Variants in GPRIN1 observed in about 807,000 individuals in gnomAD.
GPRIN1 encodes the protein G protein-regulated inducer of neurite outgrowth 1.
GPRIN1 carries 4 observed loss-of-function variants against 2.8 expected under a neutral mutation model. The observed-to-expected ratio is 1.45, with a 90% CI of 0.71 to 3.32. GPRIN1 has a LOEUF of 3.32. Ranked by LOEUF, GPRIN1 falls within the 30% of genes most tolerant of loss-of-function variation. The pLI is 0.01. For synonymous variants in GPRIN1, 589 were observed against 589.9 expected, an observed-to-expected ratio of 1.00 and a Z score of 0.02; for missense variants, 1,322 against 1,343.4, an observed-to-expected ratio of 0.98 and a Z score of 0.25.
In GPRIN1 at chr5:176,599,158, T is replaced by A. The variant is rs1339128429; in HGVS notation, c.677A>T (p.Tyr226Phe). The A allele has an allele frequency of 3.7e-6, 6 of 1,613,736 alleles. No individual in the cohort carries two copies. The highest frequency in any genetic ancestry group is 8.5e-7 in the Non-Finnish European group (1 of 1,179,890). The change falls in exon 2 of 2, where the codon TAT becomes TTT. Residue 226 changes from tyrosine to phenylalanine, a missense_variant. Around this residue, in one of 3 missense-constraint regions of GPRIN1, gnomAD observed 1,117 missense variants for 1,128.6 expected, o/e 0.99. Transcript: ENST00000303991. The part of the protein sequence containing the change: ...KVDPLCSSKT[Y>F]TVSPRKEDPG... ...ATCCTCCTTCCTCGGTGACACTGTA[T>A]ACGTCTTGCTGGAGCACAAAGGATC... is the stretch of plus-strand genomic sequence containing the variant.
rs920331200 is a variant in GPRIN1 at position 176,597,931 on chromosome 5, C to G, written c.1904G>C (p.Gly635Ala). Residue 635 changes from glycine to alanine, a missense_variant, in exon 2 of 2, where the codon GGT becomes GCT. Gly to Ala is a moderately conservative substitution (Grantham distance 60). This residue lies in a region of GPRIN1 where 1,117 missense variants were observed against 1,128.6 expected (regional missense o/e 0.99). Transcript: ENST00000303991. This position sits in a 1 kb window ranked among gnomAD's most constrained non-coding sequence, Gnocchi z 6.1. The stretch of plus-strand genomic sequence containing the variant: ...AGGGAGCTTTGTTTCTGCTTTGCCA[C>G]CAGACTGCGGCTGTGCTTTCCCCGA... ...RASGKAQPQS[G>A]GKAETKLPGQ... is the part of the protein sequence containing the mutation. 1 of 1,613,990 alleles carries G rather than the reference C, an allele frequency of 6.2e-7. No individual in the cohort carries two copies. Among genetic ancestry groups the G allele is most frequent in the Non-Finnish European group, 8.5e-7 (1 of 1,180,030 alleles).
At chr5:176,600,651 C>T (rs773901824) in intron 1 of GPRIN1, among the ~76,000 whole-genome samples, 14 of 152,140 alleles carry the variant, frequency 9.2e-5, no homozygotes, top group Non-Finnish European at 1.5e-4. Flanking sequence ...CGGCGGCTCA[C>T]GCCTGTAATC....
intron 1 of GPRIN1, among the ~76,000 whole-genome samples, chr5:176,606,643 C>G: frequency 6.6e-6 from 1 of 152,330 alleles, no homozygotes; most frequent in East Asian, 1.9e-4. Context: ...CTGAGGCTGA[C>G]TGTCTGCTGC....
At position 176,599,342 on chromosome 5, in the gene GPRIN1, A is replaced by C. The variant is rs1185028670; in HGVS notation, c.493T>G (p.Ser165Ala). Residue 165 changes from serine (S) to alanine (A), a missense_variant, in exon 2 of 2, where the codon TCC becomes GCC. This residue lies in a region of GPRIN1 where 1,117 missense variants were observed against 1,128.6 expected (regional missense o/e 0.99). Transcript: ENST00000303991. ...FKSSKQADST[S>A]IGKEDPGSSR... ...GACCCAGGATCCTCCTTTCCTATGG[A>C]AGTGGAATCGGCCTGCTTTGAGGAC... 2 of 1,614,224 alleles carry C rather than the reference A, an allele frequency of 1.2e-6. No individual in the cohort carries two copies.
intron 1 of GPRIN1, among the ~76,000 whole-genome samples, chr5:176,608,833 C>T (rs1759265057): frequency 6.6e-6 from 1 of 152,204 alleles, no homozygotes; most frequent in Admixed American, 6.5e-5. Context: ...CCAGAACTGC[C>T]AAGCACCTGC....
At chr5:176,601,342 C>G (rs1245301325) in intron 1 of GPRIN1, among the ~76,000 whole-genome samples, 1 of 152,180 alleles carries the variant, frequency 6.6e-6, no homozygotes, top group Non-Finnish European at 1.5e-5. Context: ...ATTCATTCAC[C>G]TAGCCCCTTC....
At position 176,598,359 on chromosome 5, in the gene GPRIN1, TGAA is replaced by T; in HGVS notation, c.1473_1475del (p.Ser492del). 6.2e-7 allele frequency: 1 copy of T among 1,613,852 alleles called. No individual in the cohort carries two copies. Among genetic ancestry groups the T allele is most frequent in the South Asian group, 1.1e-5 (1 of 91,074 alleles). ...CCAAGGACCTGGGATCGCCTGGACCTGAAGACACAGGGTTTGTCTTTCCTGAAG... is the reference window on the plus strand; with the variant it reads ...CCAAGGACCTGGGATCGCCTGGACCTGACACAGGGTTTGTCTTTCCTGAAG... On this transcript the variant is annotated inframe_deletion, in exon 2 of 2. Coordinates refer to ENST00000303991, the MANE Select transcript of GPRIN1 (RefSeq NM_052899.3).
At position 176,598,121 on chromosome 5, in the gene GPRIN1, T is replaced by C; in HGVS notation, c.1714A>G (p.Ile572Val). ...CCTGGAGTTGAGACCACTTTACCTATAGACACAGAGTCCCCTTGTCCAGAG... is the reference window on the plus strand; with the variant it reads ...CCTGGAGTTGAGACCACTTTACCTACAGACACAGAGTCCCCTTGTCCAGAG... ...GPSGQGDSVSIGKVVSTPGKT... is the reference protein window; with the variant it reads ...GPSGQGDSVSVGKVVSTPGKT... The change falls in exon 2 of 2, where the codon ATA becomes GTA. Residue 572 changes from isoleucine (I) to valine (V), a missense_variant. Coordinates refer to ENST00000303991, the MANE Select transcript of GPRIN1 (RefSeq NM_052899.3). 1.2e-6 allele frequency: 2 copies of C among 1,613,102 alleles called. No homozygotes were observed. The highest frequency in any genetic ancestry group is 1.1e-5 in the South Asian group (1 of 91,078).
chr5:176,600,877 C>T (rs6885755), intron 1 of GPRIN1, among the ~76,000 whole-genome samples: 135,650 of 152,058 alleles, frequency 0.89, 60,899 homozygotes, highest in Non-Finnish European at 0.95. Flanking sequence ...GATCGTGCCA[C>T]TGCACTCCAG....
rs1287381959 is a variant in GPRIN1 at position 176,598,714 on chromosome 5, A to G, written c.1121T>C (p.Leu374Pro). ...VPATKEDSRF[L>P]GKMDPASSGE... ...TGAGGAGGCAGGGTCCATCTTTCCC[A>G]GGAACCGGGAGTCCTCTTTTGTGGC... The change falls in exon 2 of 2, where the codon CTG becomes CCG. Residue 374 changes from leucine to proline, a missense_variant. Leu to Pro is a moderately conservative substitution (Grantham distance 98, BLOSUM62 -3). Transcript: ENST00000303991. The G allele has an allele frequency of 1.1e-5, 17 of 1,614,042 alleles. No individual in the cohort carries two copies. The highest frequency in any genetic ancestry group is 1.4e-5 in the Non-Finnish European group (16 of 1,180,018).
At chr5:176,605,799 G>T (rs73330402) in intron 1 of GPRIN1, among the ~76,000 whole-genome samples, 141 of 152,182 alleles carry the variant, frequency 9.3e-4, no homozygotes, top group African/African-American at 3.3e-3. Context: ...AACAGAACAA[G>T]AAACTGTCTT....
At position 176,598,985 on chromosome 5, in the gene GPRIN1, C is replaced by T. The variant is rs139611546; in HGVS notation, c.850G>A (p.Val284Ile). 6.2e-7 allele frequency: 1 copy of T among 1,614,168 alleles called. No homozygotes were observed. Among genetic ancestry groups the T allele is most frequent in the Admixed American group, 1.7e-5 (1 of 60,020 alleles). ...CCAGGATCTCTCTTTCCCGACAATA[C>T]AAGATCTACCTTTTCTGCAGATGTA... ...APTSAEKVDL[V>I]LSGKRDPGPS... The change falls in exon 2 of 2, where the codon GTA (valine) becomes ATA (isoleucine). Residue 284 changes from valine to isoleucine, a missense_variant. Physicochemically the swap from Val to Ile is conservative, Grantham distance 29 (BLOSUM62 3). Transcript: ENST00000303991.
In GPRIN1 at chr5:176,595,824, A is replaced by G; in HGVS notation, c.*984T>C. 1.3e-6 allele frequency: 1 copy of G among 745,516 alleles called. No individual in the cohort carries two copies. The highest frequency in any genetic ancestry group is 1.8e-5 in the African/African-American group (1 of 55,230). 46.2% of individuals were successfully genotyped at this position (745,516 alleles called of 1,614,324 possible). ...GGGTTGGGGAAATATTTTATTACCA[A>G]TGTATACTGTGACAGTTTGTAGCCA... On this transcript the variant is annotated 3_prime_UTR_variant, in exon 2 of 2. Transcript: ENST00000303991.
chr5:176,604,364 T>C lies in GPRIN1; in HGVS notation c.-43-4487A>G, dbSNP rs76524889. Among the ~76,000 whole-genome samples, 503 of 152,232 alleles carry C rather than the reference T, an allele frequency of 3.3e-3. 20 individuals are homozygous for C. In the East Asian group the frequency reaches 0.08, roughly 24 times the overall value. On this transcript the variant is annotated intron_variant, in intron 1 of 1. Coordinates refer to ENST00000303991, the MANE Select transcript of GPRIN1 (RefSeq NM_052899.3). ...CATGGTGGAGGAGGGGGGTTTAGCC[T>C]AAGGGCACTGGAAACCCTGGAAGTA...
At position 176,598,228 on chromosome 5, in the gene GPRIN1, G is replaced by A. The variant is rs747964112; in HGVS notation, c.1607C>T (p.Ala536Val). 2 of 1,612,438 alleles carry A rather than the reference G, an allele frequency of 1.2e-6. No individual in the cohort carries two copies. Among genetic ancestry groups the A allele is most frequent in the Admixed American group, 3.3e-5 (2 of 60,008 alleles). The stretch of plus-strand genomic sequence containing the variant: ...CTCGGCCTTCCCTGAGGCTGTGGGA[G>A]CCGCCTTTCCAGAGGCCACCAGACC... ...KAGLVASGKA[A>V]PTASGKAEPL... Residue 536 changes from alanine to valine, a missense_variant, in exon 2 of 2, where the codon GCT (alanine) becomes GTT (valine). By Grantham distance (64) the Ala-to-Val change is moderately conservative (BLOSUM62 0). This residue lies in a region of GPRIN1 where 1,117 missense variants were observed against 1,128.6 expected (regional missense o/e 0.99). Transcript: ENST00000303991.
rs2113351339 is a variant in GPRIN1, at chr5:176,602,660, G to A, written c.-43-2783C>T. 6.6e-6 allele frequency among the ~76,000 whole-genome samples: 1 copy of A among 152,284 alleles called. No homozygotes were observed. Among genetic ancestry groups the A allele is most frequent in the Middle Eastern group, 3.4e-3 (1 of 294 alleles). On this transcript the variant is annotated intron_variant, in intron 1 of 1. Coordinates refer to ENST00000303991, the MANE Select transcript of GPRIN1 (RefSeq NM_052899.3). This position sits in a 1 kb window ranked among gnomAD's most constrained non-coding sequence, Gnocchi z 4.4. ...ACGCGCATAGCATTTGAGCCACCAA[G>A]CCCACCTCTAAGCATGGTCCTAAAG...
rs1759022187 is a variant in GPRIN1, at chr5:176,595,886, G to A, written c.*922C>T. On this transcript the variant is annotated 3_prime_UTR_variant, in exon 2 of 2. Transcript: ENST00000303991. ...TGGAGGGGTGGGGACGGGACACTGAGTGGTCACAAGGGACTTGGGCTCACA... is the reference window on the plus strand; with the variant it reads ...TGGAGGGGTGGGGACGGGACACTGAATGGTCACAAGGGACTTGGGCTCACA... 4 of 449,432 alleles carry A rather than the reference G, an allele frequency of 8.9e-6. No individual in the cohort carries two copies. In the South Asian group the frequency reaches 2.0e-4, roughly 23 times the overall value. 27.8% of individuals were successfully genotyped at this position (449,432 alleles called of 1,614,324 possible).
intron 1 of GPRIN1, among the ~76,000 whole-genome samples, chr5:176,606,797 T>A (rs1711815697): frequency 6.6e-6 from 1 of 152,240 alleles, no homozygotes; most frequent in Non-Finnish European, 1.5e-5. Context: ...GTCGAGCCCT[T>A]ACTATGTGCA....
At chr5:176,604,304 T>C (rs1480950419) in intron 1 of GPRIN1, among the ~76,000 whole-genome samples, 1 of 151,244 alleles carries the variant, frequency 6.6e-6, no homozygotes, top group Non-Finnish European at 1.5e-5. Flanking sequence ...GGAAAGGGGG[T>C]GGCAGCGGAA....
Sources: allele counts gnomAD v4.1 joint callset (sites outside exome capture counted in the v4.1 genomes callset), GRCh38; gene constraint gnomAD v4.1.1; regional missense constraint gnomAD v4.1.1; non-coding constraint Gnocchi (gnomAD v3.1); transcripts MANE v1.5; gene names NCBI Gene and HGNC (gene_info 2026-07-23, HGNC 2026-07-21).